TNRC6A: variants seen among roughly 807,000 people sequenced by gnomAD.
TNRC6A encodes trinucleotide repeat containing adaptor 6A, also known as trinucleotide repeat-containing gene 6A protein.
A neutral mutation model predicts 221.2 loss-of-function variants in TNRC6A; 44 were observed. The ratio of observed to expected loss-of-function variants is 0.20; its 90% CI spans 0.16 to 0.26. TNRC6A has a LOEUF of 0.26. Among genes scored for constraint, TNRC6A ranks in the 10% least tolerant of loss-of-function variants. TNRC6A has a pLI of 1.00. For synonymous variants in TNRC6A, 847 were observed against 838.5 expected (o/e 1.01, Z -0.18); for missense variants, 2,199 against 2,404.4 (o/e 0.91, Z 1.79).
intron 2 of TNRC6A, among the ~76,000 whole-genome samples, chr16:24,746,206 T>G (rs1363675346): frequency 6.6e-6 from 1 of 152,214 alleles, no homozygotes; most frequent in Non-Finnish European, 1.5e-5. Flanking sequence ...GCTTGTTTTC[T>G]TATTTCAGAT....
Position 24,790,141 on chromosome 16 carries a change from A to G in TNRC6A, c.1499A>G (p.Asn500Ser). Residue 500 changes from asparagine (N) to serine (S), a missense_variant, in exon 6 of 25, where the codon AAT (asparagine) becomes AGT (serine). By Grantham distance (46) the Asn-to-Ser change is conservative. Around this residue, in one of 8 missense-constraint regions of TNRC6A, gnomAD observed 1,405 missense variants for 1,400.2 expected, o/e 1.00. Transcript: ENST00000395799. ...CAGATGCAGGCTCCATCAGGTATGA[A>G]TGGCACTTCCCTTTCTCACCTTAGC... ...HPQMQAPSGM[N>S]GTSLSHLSNG... The G allele has an allele frequency of 1.2e-6, 2 of 1,614,224 alleles. No homozygotes were observed. The highest frequency in any genetic ancestry group is 8.5e-7 in the Non-Finnish European group (1 of 1,180,044).
At position 24,772,073 on chromosome 16, in the gene TNRC6A, G is replaced by T. The variant is rs77176467; in HGVS notation, c.164-4860G>T. On this transcript the variant is annotated intron_variant, in intron 4 of 24. Coordinates refer to ENST00000395799, the MANE Select transcript of TNRC6A (RefSeq NM_014494.4). Reference sequence around the variant, plus strand: ...ATTTACTCTCTCATCTTTACAGAAAGAACTTGCCAACCCCTGTTGTATAAC... The same window carrying T: ...ATTTACTCTCTCATCTTTACAGAAATAACTTGCCAACCCCTGTTGTATAAC... Among the ~76,000 whole-genome samples, 1,308 of 152,324 alleles carry T rather than the reference G, an allele frequency of 8.6e-3. 22 individuals carry two copies. The highest frequency in any genetic ancestry group is 0.03 in the African/African-American group (1,242 of 41,566).
At chr16:24,712,409 T>C (rs963651526) in intron 2 of TNRC6A, among the ~76,000 whole-genome samples, 7 of 152,372 alleles carry the variant, frequency 4.6e-5, no homozygotes, top group East Asian at 3.9e-4. Flanking sequence ...CCTTGGTAAA[T>C]AGATCATATG....
intron 4 of TNRC6A, among the ~76,000 whole-genome samples, chr16:24,771,006 A>T (rs2057578696): frequency 6.6e-6 from 1 of 152,220 alleles, no homozygotes; most frequent in Admixed American, 6.5e-5. Context: ...ACAGTGTGGG[A>T]TACCACAACA....
At chr16:24,646,712 T>C (rs575592495) in intron 2 of TNRC6A, among the ~76,000 whole-genome samples, 1 of 152,330 alleles carries the variant, frequency 6.6e-6, no homozygotes, top group South Asian at 2.1e-4. Flanking sequence ...TGGTAAGCCA[T>C]GAATTGACAA....
At chr16:24,716,525 C>T (rs923356588) in intron 2 of TNRC6A, among the ~76,000 whole-genome samples, 16 of 152,138 alleles carry the variant, frequency 1.1e-4, no homozygotes, top group Admixed American at 7.2e-4. Flanking sequence ...AAAAATTAGC[C>T]GAGCGTGATG....
chr16:24,754,908 A>G (rs1295763445), intron 3 of TNRC6A, among the ~76,000 whole-genome samples: 2 of 152,226 alleles, frequency 1.3e-5, no homozygotes, highest in East Asian at 3.8e-4. Context: ...ACTTAAATAT[A>G]CCAAATTCAA....
intron 11 of TNRC6A, among the ~76,000 whole-genome samples, chr16:24,800,827 G>A (rs751982840): frequency 1.3e-5 from 2 of 152,182 alleles, no homozygotes; most frequent in African/African-American, 4.8e-5. Context: ...GAAGCTGCAA[G>A]GGCTGCCCAT....
rs961682139 is a variant in TNRC6A at position 24,812,083 on chromosome 16, C to T, written c.4672+2602C>T. On this transcript the variant is annotated intron_variant, in intron 18 of 24. Transcript: ENST00000395799. The stretch of plus-strand genomic sequence containing the variant: ...TTTTTTTTTGAGACAGAGTCTCACT[C>T]GGTCACCCAGGCTGGAGTGCAGTGA... Among the ~76,000 whole-genome samples, 5 of 109,346 alleles carry T rather than the reference C, an allele frequency of 4.6e-5. No individual in the cohort carries two copies. In the East Asian group the frequency reaches 9.6e-4, roughly 21 times the overall value. The allele number at this position is 109,346 out of a possible 152,430, so 71.7% of individuals were successfully genotyped here.
At chr16:24,713,176 TG>T (rs2056239708) in intron 2 of TNRC6A, among the ~76,000 whole-genome samples, 1 of 152,024 alleles carries the variant, frequency 6.6e-6, no homozygotes, top group Non-Finnish European at 1.5e-5. Flanking sequence ...CCCAGCACTT[TG>T]GGAGGCCAAG....
rs1308246681 is a variant in TNRC6A, at chr16:24,729,716, GGCA to G, written c.-123_-121del. 90 of 1,044,140 alleles carry G rather than the reference GGCA, an allele frequency of 8.6e-5. No individual in the cohort carries two copies. The highest frequency in any genetic ancestry group is 1.3e-4 in the African/African-American group (7 of 55,948). 64.7% of individuals were successfully genotyped at this position (1,044,140 alleles called of 1,614,324 possible). Reference sequence around the variant, plus strand: ...CGGCGGCGGCGGCGGCGGCGGCGGCGGCAGCGGGTCGGTGTAGAAAATGGCGCT... The same window carrying G: ...CGGCGGCGGCGGCGGCGGCGGCGGCGGCGGGTCGGTGTAGAAAATGGCGCT... On this transcript the variant is annotated 5_prime_UTR_variant, in exon 1 of 25. Transcript: ENST00000395799.
intron 2 of TNRC6A, among the ~76,000 whole-genome samples, chr16:24,646,348 G>A (rs986202079): frequency 4.6e-5 from 7 of 152,106 alleles, no homozygotes; most frequent in Admixed American, 6.6e-5. Context: ...GAACATTGGC[G>A]AAGACCCAAG....
intron 18 of TNRC6A, among the ~76,000 whole-genome samples, chr16:24,812,096 TG>T (rs1334681219): frequency 1.6e-5 from 2 of 128,288 alleles, no homozygotes; most frequent in African/African-American, 6.0e-5. Flanking sequence ...TCACCCAGGC[TG>T]GAGTGCAGTG....
At chr16:24,722,470 C>T (rs913719674) in intron 2 of TNRC6A, among the ~76,000 whole-genome samples, 1 of 152,038 alleles carries the variant, frequency 6.6e-6, no homozygotes, top group African/African-American at 2.4e-5. Context: ...GAGTCTCACT[C>T]TGTCGCCCAG....
At position 24,820,128 on chromosome 16, in the gene TNRC6A, C is replaced by A. The variant is rs1567524414; in HGVS notation, c.5081-11C>A. On this transcript the variant is annotated splice_polypyrimidine_tract_variant and intron_variant, in intron 21 of 24. Transcript: ENST00000395799. ...ATTCCTCCCCTCTCCATTTTTTCCC[C>A]CTTTGAGTAGCCAGAAATAGTGATT... The A allele has an allele frequency of 1.2e-6, 2 of 1,610,724 alleles. No homozygotes were observed. Among genetic ancestry groups the A allele is most frequent in the South Asian group, 2.2e-5 (2 of 90,672 alleles).
At chr16:24,813,086 A>G (rs2058582328) in intron 18 of TNRC6A, among the ~76,000 whole-genome samples, 1 of 151,938 alleles carries the variant, frequency 6.6e-6, no homozygotes, top group African/African-American at 2.4e-5. Context: ...CATGTTGCCC[A>G]GGCTGGTCTC....
intron 2 of TNRC6A, among the ~76,000 whole-genome samples, chr16:24,671,820 G>A (rs2055308856): frequency 6.6e-6 from 1 of 151,964 alleles, no homozygotes; most frequent in Non-Finnish European, 1.5e-5. Context: ...GACCAGCCTG[G>A]GCAACATAGT....
intron 2 of TNRC6A, among the ~76,000 whole-genome samples, chr16:24,692,549 G>T (rs562053165): frequency 2.0e-5 from 3 of 152,052 alleles, no homozygotes; most frequent in Admixed American, 1.3e-4. Flanking sequence ...CAGCCTGGGC[G>T]ACAGCGTGAA....
intron 1 of TNRC6A, 47 bp downstream of exon 1, chr16:24,729,893 C>T (rs1015658309): frequency 1.6e-6 from 2 of 1,231,964 alleles, no homozygotes; most frequent in Admixed American, 8.5e-5. Flanking sequence ...GCCGCGGGCG[C>T]TGCCGCAGGG....
Sources: gnomAD v4.1 joint callset for allele counts (sites outside exome capture counted in the v4.1 genomes callset) on GRCh38, gnomAD v4.1.1 for gene constraint, gnomAD v4.1.1 regional missense constraint, MANE v1.5 for transcripts, NCBI Gene and HGNC (gene_info 2026-07-23, HGNC 2026-07-21) for gene names.